BRAF: variants seen among roughly 807,000 people sequenced by gnomAD.
BRAF encodes serine/threonine-protein kinase B-raf.
BRAF carries 16 observed loss-of-function variants against 104.6 expected under a neutral mutation model. That is an observed-to-expected ratio of 0.15 (90% CI 0.10 to 0.23). BRAF has a LOEUF of 0.23. Ranked by LOEUF, BRAF falls within the 10% of genes least tolerant of loss-of-function variation. The probability of loss-of-function intolerance (pLI) is 1.00; values close to 1 mark genes in which losing one functional copy is unlikely to be tolerated. For missense variants in BRAF, 541 were observed against 937.3 expected (o/e 0.58, Z 5.52); for synonymous variants, 310 against 341.6 (o/e 0.91, Z 1.02).
chr7:140,843,605 A>G (rs895025662), intron 2 of BRAF, among the ~76,000 whole-genome samples: 5 of 152,182 alleles, frequency 3.3e-5, no homozygotes, highest in African/African-American at 9.7e-5. Flanking sequence ...TCTGCTTTCT[A>G]GAACATTTAT....
rs562391115 is a variant in BRAF at position 140,816,404 on chromosome 7, T to C, written c.505-7409A>G. On this transcript the variant is annotated intron_variant, in intron 3 of 19. Coordinates refer to ENST00000644969, the MANE Select transcript of BRAF (RefSeq NM_001374258.1). ...GTCCCTTTACTTTCGACCTATTCCA[T>C]TGAAACTATTTATTTGTACTGGTGA... Among the ~76,000 whole-genome samples the C allele has an allele frequency of 8.5e-5, 13 of 152,334 alleles. No individual in the cohort carries two copies. In the South Asian group the frequency reaches 1.0e-3, roughly 12 times the overall value.
intron 3 of BRAF, among the ~76,000 whole-genome samples, chr7:140,818,605 G>A (rs560768044): frequency 2.4e-4 from 36 of 152,206 alleles, no homozygotes; most frequent in African/African-American, 3.6e-4. Flanking sequence ...GAGCCAACAC[G>A]CCAGCACCGG....
At chr7:140,841,431 T>C (rs181526132) in intron 2 of BRAF, among the ~76,000 whole-genome samples, 1 of 152,128 alleles carries the variant, frequency 6.6e-6, no homozygotes, top group African/African-American at 2.4e-5. Context: ...ACACAAAAAC[T>C]TGCACGTGAA....
chr7:140,858,226 C>T (rs1164634344), intron 1 of BRAF, among the ~76,000 whole-genome samples: 1 of 152,102 alleles, frequency 6.6e-6, no homozygotes, highest in Admixed American at 6.5e-5. Context: ...TGGAACAACC[C>T]AACATATGCC....
chr7:140,758,687 T>G (rs1017294783), intron 14 of BRAF, among the ~76,000 whole-genome samples: 1 of 152,244 alleles, frequency 6.6e-6, no homozygotes, highest in Non-Finnish European at 1.5e-5. Context: ...ACTCCTGGGC[T>G]CAAGCCATCC....
Position 140,719,564 on chromosome 7 carries a change from G to T in BRAF, c.*6930C>A. On this transcript the variant is annotated 3_prime_UTR_variant, in exon 20 of 20. Transcript: ENST00000644969. The stretch of plus-strand genomic sequence containing the variant: ...AGAAAAACTCCAAAGTACAAATGAA[G>T]GGACCTGAGCAGGAAAGAGAACCAA... 1 of 1,052,668 alleles carries T rather than the reference G, an allele frequency of 9.5e-7. No homozygotes were observed. Among genetic ancestry groups the T allele is most frequent in the Non-Finnish European group, 1.2e-6 (1 of 869,492 alleles). 65.2% of individuals were successfully genotyped at this position (1,052,668 alleles called of 1,614,324 possible).
At chr7:140,713,575 A>T in the BRAF span, among the ~76,000 whole-genome samples, 1 of 152,048 alleles carries the variant, frequency 6.6e-6, no homozygotes, top group Non-Finnish European at 1.5e-5. Context: ...TGTAGCTCGG[A>T]GTAGTTTGAT....
rs1199383417 is a variant in BRAF at position 140,787,300 on chromosome 7, CAAAAAAAA to C, written c.1177+240_1177+247del. ...TGGGCGACAGAGCGAGACTCCGTCTCAAAAAAAAAAAAAAAAAAAAAAAAGACTTCCTT... is the reference window on the plus strand; with the variant it reads ...TGGGCGACAGAGCGAGACTCCGTCTCAAAAAAAAAAAAAAAAGACTTCCTT... On this transcript the variant is annotated intron_variant, in intron 9 of 19. Transcript: ENST00000644969. Among the ~76,000 whole-genome samples, 11,217 of 55,176 alleles carry C rather than the reference CAAAAAAAA, an allele frequency of 0.2. 1,503 individuals carry two copies. Among genetic ancestry groups the C allele is most frequent in the African/African-American group, 0.44 (10,544 of 23,930 alleles). The allele number at this position is 55,176 out of a possible 152,430, so 36.2% of individuals were successfully genotyped here.
At chr7:140,852,390 C>CAAA in intron 1 of BRAF, among the ~76,000 whole-genome samples, 1 of 89,526 alleles carries the variant, frequency 1.1e-5, no homozygotes, top group African/African-American at 4.1e-5. Flanking sequence ...CACAACCTGC[C>CAAA]AAAAAAAAAA....
intron 2 of BRAF, among the ~76,000 whole-genome samples, chr7:140,845,977 C>A (rs1016922491): frequency 6.6e-6 from 1 of 152,152 alleles, no homozygotes; most frequent in Non-Finnish European, 1.5e-5. Flanking sequence ...CCGCGCTCAG[C>A]CTAGGCTATG....
chr7:140,789,018 G>A (rs577452740), intron 8 of BRAF, among the ~76,000 whole-genome samples: 1 of 151,772 alleles, frequency 6.6e-6, no homozygotes, highest in South Asian at 2.1e-4. Context: ...AGACCAGCCT[G>A]GTCAACATGG....
At chr7:140,917,613 A>G (rs900734493) in intron 1 of BRAF, among the ~76,000 whole-genome samples, 15 of 152,142 alleles carry the variant, frequency 9.9e-5, no homozygotes, top group Non-Finnish European at 1.3e-4. Context: ...TCTCAAATAA[A>G]TCAATCTAGT....
intron 14 of BRAF, among the ~76,000 whole-genome samples, chr7:140,772,956 A>G (rs1799992309): frequency 1.3e-5 from 2 of 152,142 alleles, no homozygotes; most frequent in South Asian, 4.1e-4. Flanking sequence ...AATAATTGCA[A>G]AGGACATAAT....
chr7:140,717,597 A>G (rs929786246), downstream of BRAF, among the ~76,000 whole-genome samples: 1 of 152,204 alleles, frequency 6.6e-6, no homozygotes, highest in Non-Finnish European at 1.5e-5. Context: ...GGAGAACTAT[A>G]TAACTCAAAA....
intron 2 of BRAF, among the ~76,000 whole-genome samples, chr7:140,847,007 T>C (rs1033624401): frequency 1.1e-4 from 16 of 151,838 alleles, no homozygotes; most frequent in East Asian, 3.9e-4. Context: ...ATACAAAAAT[T>C]AGTCGGGAGT....
chr7:140,818,009 T>G (rs1006525166), intron 3 of BRAF, among the ~76,000 whole-genome samples: 1 of 151,676 alleles, frequency 6.6e-6, no homozygotes, highest in Non-Finnish European at 1.5e-5. Flanking sequence ...TACATACATA[T>G]AGTATCGTAT....
At chr7:140,880,207 T>C (rs979870661) in intron 1 of BRAF, among the ~76,000 whole-genome samples, 2 of 152,238 alleles carry the variant, frequency 1.3e-5, no homozygotes, top group South Asian at 2.1e-4. Flanking sequence ...ACTAATTTTA[T>C]GTAAAATTCT....
chr7:140,898,586 T>C (rs1471052658), intron 1 of BRAF, among the ~76,000 whole-genome samples: 1 of 152,186 alleles, frequency 6.6e-6, no homozygotes, highest in Non-Finnish European at 1.5e-5. Context: ...GTAGAGAAGT[T>C]TGCAAAACAT....
At chr7:140,836,387 G>C (rs2129063407) in intron 2 of BRAF, among the ~76,000 whole-genome samples, 1 of 152,110 alleles carries the variant, frequency 6.6e-6, no homozygotes, top group South Asian at 2.1e-4. Flanking sequence ...GAGGAAGGGA[G>C]AATTATAAAA....
Sources: allele counts gnomAD v4.1 joint callset (sites outside exome capture counted in the v4.1 genomes callset), GRCh38; gene constraint gnomAD v4.1.1; transcripts MANE v1.5; gene names NCBI Gene and HGNC (gene_info 2026-07-23, HGNC 2026-07-21).